The following MYO18A variants were observed in gnomAD, a reference collection of about 807,000 sequenced individuals.
The protein encoded by MYO18A is myosin XVIIIA, also known as unconventional myosin-XVIIIa.
A neutral mutation model predicts 235.8 loss-of-function variants in MYO18A; 78 were observed. That is an observed-to-expected ratio of 0.33 (90% confidence interval 0.28 to 0.40). The LOEUF (loss-of-function observed/expected upper bound fraction) is 0.40, where lower values mean the gene tolerates loss of function less well. Ranked by LOEUF, MYO18A falls within the 10% of genes least tolerant of loss-of-function variation. MYO18A has a pLI of 1.00. For synonymous variants in MYO18A, 977 were observed against 1,077.8 expected, an observed-to-expected ratio of 0.91 and a Z score of 1.83; for missense variants, 2,215 against 2,699.3, an observed-to-expected ratio of 0.82 and a Z score of 3.98.
At chr17:29,143,270 T>C (rs1188491512) in intron 2 of MYO18A, among the ~76,000 whole-genome samples, 1 of 152,202 alleles carries the variant, frequency 6.6e-6, no homozygotes, top group Non-Finnish European at 1.5e-5. Flanking sequence ...AAAAGCTCTT[T>C]TGCCCAGGCT....
At chr17:29,085,466 G>T in intron 40 of MYO18A, 138 bp downstream of exon 40, 1 of 749,854 alleles carries the variant, frequency 1.3e-6, no homozygotes, top group Non-Finnish European at 2.3e-6. Context: ...GCATGTTAGC[G>T]TTAGAGACCA....
chr17:29,080,171 C>A (rs978104596), intron 41 of MYO18A: 15 of 986,030 alleles, frequency 1.5e-5, no homozygotes, highest in Non-Finnish European at 1.8e-5. Context: ...GCGCTCCGGG[C>A]ACTTTGGATG....
chr17:29,119,286 A>AGTG, intron 8 of MYO18A, 49 bp downstream of exon 8: 1 of 1,423,520 alleles, frequency 7.0e-7, no homozygotes, highest in Non-Finnish European at 9.7e-7. Context: ...GAGCCCAGTC[A>AGTG]GTGGGCTGGA....
At chr17:29,087,198 T>C (rs1485146430) in intron 37 of MYO18A, 77 bp from the exon 38 acceptor site, 1 of 1,471,874 alleles carries the variant, frequency 6.8e-7, no homozygotes, top group African/African-American at 1.4e-5. Flanking sequence ...GGCAGAGCTC[T>C]GGGTGAGGAG....
chr17:29,106,529 G>A lies in MYO18A; in HGVS notation c.3441+551C>T, dbSNP rs1450430187. 1.3e-5 allele frequency among the ~76,000 whole-genome samples: 2 copies of A among 152,170 alleles called. No homozygotes were observed. Among genetic ancestry groups the A allele is most frequent in the African/African-American group, 4.8e-5 (2 of 41,444 alleles). On this transcript the variant is annotated intron_variant, in intron 20 of 41. Coordinates refer to ENST00000527372, the MANE Select transcript of MYO18A (RefSeq NM_078471.4). This position sits in a 1 kb window ranked among gnomAD's most constrained non-coding sequence, Gnocchi z 4.6. The stretch of plus-strand genomic sequence containing the variant: ...AGTAAAGGAGGGGTCCTCTGCTCTG[G>A]GAGCCCTGTGACTGTCTAAGGGGCT...
At chr17:29,084,185 TGTGA>T (rs1188235577) in intron 40 of MYO18A, among the ~76,000 whole-genome samples, 12 of 152,130 alleles carry the variant, frequency 7.9e-5, no homozygotes, top group Admixed American at 3.9e-4. Flanking sequence ...CACCAGTGTG[TGTGA>T]GTGTGTGTGC....
intron 21 of MYO18A, 148 bp downstream of exon 21, chr17:29,103,451 C>A: frequency 1.3e-6 from 1 of 759,174 alleles, no homozygotes; most frequent in East Asian, 2.7e-5. Context: ...CCCTGAGTGG[C>A]TGGGCGGGGT....
In MYO18A at chr17:29,090,775, G is replaced by A. The variant is rs140017900; in HGVS notation, c.5304+35C>T. Reference sequence around the variant, plus strand: ...GAGGAGGACCACAAGGATGGTGACGGTGCAGAGTGTGACGGGCACTCCTGG... The same window carrying A: ...GAGGAGGACCACAAGGATGGTGACGATGCAGAGTGTGACGGGCACTCCTGG... On this transcript the variant is annotated intron_variant, in intron 35 of 41. Transcript: ENST00000527372. 1.9e-6 allele frequency: 3 copies of A among 1,585,188 alleles called. No individual in the cohort carries two copies. The African/African-American group carries it at 4.0e-5, about 21-fold the overall frequency.
In MYO18A at chr17:29,167,698, C is replaced by A. The variant is rs539747123; in HGVS notation, c.-81-677G>T. Among the ~76,000 whole-genome samples, 323 of 144,482 alleles carry A rather than the reference C, an allele frequency of 2.2e-3. 2 individuals are homozygous for A. The highest frequency in any genetic ancestry group is 8.7e-3 in the African/African-American group (316 of 36,300). 94.8% of individuals were successfully genotyped at this position (144,482 alleles called of 152,430 possible). A position where few individuals can be genotyped will look rare whatever the true frequency, so the allele number is the denominator to read the frequency against. ...CTTGGGCAACAGAGTGAGACCCTGT[C>A]TCAAAAAAAAAAAAAAGATTCAAAC... On this transcript the variant is annotated intron_variant, in intron 1 of 41. Transcript: ENST00000527372.
chr17:29,172,859 C>T (rs936216195), intron 1 of MYO18A, among the ~76,000 whole-genome samples: 1 of 152,164 alleles, frequency 6.6e-6, no homozygotes, highest in Non-Finnish European at 1.5e-5. Context: ...ATACTATGGA[C>T]AGGCAATTTG....
intron 14 of MYO18A, chr17:29,114,413 G>A: frequency 2.9e-6 from 1 of 343,686 alleles, no homozygotes. Flanking sequence ...GAAGACAACT[G>A]CCATTTTCCT....
At chr17:29,079,896 G>A (rs1220286599) in intron 41 of MYO18A, 2 of 985,820 alleles carry the variant, frequency 2.0e-6, no homozygotes, top group Non-Finnish European at 2.4e-6. Context: ...AGACGGTCGA[G>A]CCGCTGGATG....
intron 13 of MYO18A, 109 bp from the exon 14 acceptor site, chr17:29,115,208 G>A (rs937499785): frequency 7.0e-6 from 10 of 1,427,504 alleles, no homozygotes; most frequent in Admixed American, 4.2e-5. Flanking sequence ...CTGGTGGGGA[G>A]GGCATGCTGG....
At chr17:29,089,932 G>C in intron 37 of MYO18A, 29 bp downstream of exon 37, 2 of 1,613,658 alleles carry the variant, frequency 1.2e-6, no homozygotes, top group Non-Finnish European at 1.7e-6. Context: ...TGCCCTGTTT[G>C]GTGTGGCCCG....
chr17:29,153,308 TG>T (rs749994063), intron 2 of MYO18A, among the ~76,000 whole-genome samples: 21 of 152,070 alleles, frequency 1.4e-4, no homozygotes, highest in Admixed American at 3.3e-4. Context: ...TTAATAGAGA[TG>T]GGGTCTCACC....
chr17:29,080,066 G>C, intron 41 of MYO18A: 2 of 985,934 alleles, frequency 2.0e-6, no homozygotes, highest in East Asian at 1.1e-4. Flanking sequence ...CTCCTTCGCC[G>C]GCTCCGGCTC....
At chr17:29,112,167 C>T (rs1159415524) in intron 15 of MYO18A, among the ~76,000 whole-genome samples, 1 of 152,240 alleles carries the variant, frequency 6.6e-6, no homozygotes, top group African/African-American at 2.4e-5. Flanking sequence ...CCGAGGCCCT[C>T]CTCCACCCTC....
At chr17:29,097,034 C>T in intron 27 of MYO18A, 119 bp from the exon 28 acceptor site, 2 of 1,391,190 alleles carry the variant, frequency 1.4e-6, no homozygotes, top group Non-Finnish European at 1.9e-6. Context: ...AGTCGGGTCT[C>T]CCAGGGAACT....
intron 2 of MYO18A, among the ~76,000 whole-genome samples, chr17:29,151,345 T>G (rs2067960403): frequency 6.6e-6 from 1 of 152,244 alleles, no homozygotes. Flanking sequence ...AGACCATTTC[T>G]ACCCTTGCAA....
Sources: allele counts gnomAD v4.1 joint callset (sites outside exome capture counted in the v4.1 genomes callset), GRCh38; gene constraint gnomAD v4.1.1; non-coding constraint Gnocchi (gnomAD v3.1); transcripts MANE v1.5; gene names NCBI Gene and HGNC (gene_info 2026-07-23, HGNC 2026-07-21).